The following CYYR1 variants were observed in gnomAD, a reference collection of about 807,000 sequenced individuals.
The protein encoded by CYYR1 is cysteine and tyrosine rich 1.
In CYYR1, 14 loss-of-function variants were observed where a neutral mutation model predicts 15.2. The observed-to-expected ratio is 0.92, with a 90% CI of 0.61 to 1.44. The LOEUF is 1.44. Ranked by LOEUF, CYYR1 falls within the 40% of genes most tolerant of loss-of-function variation. CYYR1 has a pLI of 0.00. For synonymous variants in CYYR1, 80 were observed against 77.4 expected (o/e 1.03, Z -0.18); for missense variants, 228 against 209.5 (o/e 1.09, Z -0.54).
Position 26,488,240 on chromosome 21 carries a change from A to ACTTACTTACTTCCTTC in CYYR1, c.177-7812_177-7811insGAAGGAAGTAAGTAAG, listed in dbSNP as rs1555904365. ...TAAAATAAAGACTACATCTTCCCCTACTTCCTTCCTTCCTTCCTTCCTTCC... is the reference window on the plus strand; with the variant it reads ...TAAAATAAAGACTACATCTTCCCCTACTTACTTACTTCCTTCCTTCCTTCCTTCCTTCCTTCCTTCC... On this transcript the variant is annotated intron_variant, in intron 2 of 3. Transcript: ENST00000652641. 4.6e-4 allele frequency among the ~76,000 whole-genome samples: 64 copies of ACTTACTTACTTCCTTC among 139,420 alleles called. 1 individual carries two copies. Among genetic ancestry groups the ACTTACTTACTTCCTTC allele is most frequent in the Middle Eastern group, 3.6e-3 (1 of 276 alleles). 91.5% of individuals were successfully genotyped at this position (139,420 alleles called of 152,430 possible). A position where few individuals can be genotyped will look rare whatever the true frequency, so the allele number is the denominator to read the frequency against.
chr21:26,561,871 C>T (rs1432426376), intron 2 of CYYR1, among the ~76,000 whole-genome samples: 2 of 152,152 alleles, frequency 1.3e-5, no homozygotes, highest in Admixed American at 6.6e-5. Context: ...ACTTCAGTTC[C>T]ATGTTTAGCT....
At chr21:26,492,778 T>C (rs940065343) in intron 2 of CYYR1, among the ~76,000 whole-genome samples, 2 of 152,066 alleles carry the variant, frequency 1.3e-5, no homozygotes, top group Non-Finnish European at 2.9e-5. Flanking sequence ...CAATTTTAAA[T>C]ATCTCTAGCC....
chr21:26,534,682 C>G (rs2065973970), intron 2 of CYYR1, among the ~76,000 whole-genome samples: 1 of 152,122 alleles, frequency 6.6e-6, no homozygotes, highest in African/African-American at 2.4e-5. Context: ...ATTTTCGTAA[C>G]TGTTCCCTCC....
chr21:26,498,326 G>T (rs908908456), intron 2 of CYYR1, among the ~76,000 whole-genome samples: 1 of 152,088 alleles, frequency 6.6e-6, no homozygotes, highest in Non-Finnish European at 1.5e-5. Context: ...ATAGGATCAC[G>T]TCCAAATTGT....
intron 2 of CYYR1, among the ~76,000 whole-genome samples, chr21:26,565,989 A>G (rs1980586069): frequency 6.6e-6 from 1 of 152,222 alleles, no homozygotes. Context: ...TCTACTTAAA[A>G]CATTATTATA....
At chr21:26,477,211 T>C (rs371931047) in intron 3 of CYYR1, among the ~76,000 whole-genome samples, 1 of 152,148 alleles carries the variant, frequency 6.6e-6, no homozygotes, top group Admixed American at 6.6e-5. Flanking sequence ...AATTAATTAG[T>C]GAGGGTAAAA....
intron 2 of CYYR1, among the ~76,000 whole-genome samples, chr21:26,517,182 C>G (rs1269172344): frequency 7.9e-6 from 1 of 127,234 alleles, no homozygotes; most frequent in Non-Finnish European, 1.6e-5. Flanking sequence ...ATAATTTTGA[C>G]TATAATCAAG....
At chr21:26,570,601 C>T (rs1346858396) in intron 1 of CYYR1, among the ~76,000 whole-genome samples, 1 of 152,204 alleles carries the variant, frequency 6.6e-6, no homozygotes, top group Non-Finnish European at 1.5e-5. Context: ...AGAAACCTTG[C>T]TCTTATTTGT....
At chr21:26,527,516 A>G (rs1353714073) in intron 2 of CYYR1, among the ~76,000 whole-genome samples, 1 of 152,252 alleles carries the variant, frequency 6.6e-6, no homozygotes, top group African/African-American at 2.4e-5. Context: ...TCCTGAATTT[A>G]GAAATTTTTC....
intron 2 of CYYR1, among the ~76,000 whole-genome samples, chr21:26,532,669 A>G (rs1207246460): frequency 1.3e-5 from 2 of 152,198 alleles, no homozygotes; most frequent in African/African-American, 4.8e-5. Context: ...TACTCTGAAC[A>G]TGTTAATTTT....
intron 2 of CYYR1, chr21:26,483,540 A>G (rs985931801): frequency 3.1e-5 from 15 of 479,724 alleles, no homozygotes; most frequent in Non-Finnish European, 4.1e-5. Context: ...GGGGCTATTC[A>G]TTTTTCTCCA....
At chr21:26,531,703 C>A (rs181442029) in intron 2 of CYYR1, among the ~76,000 whole-genome samples, 1 of 152,178 alleles carries the variant, frequency 6.6e-6, no homozygotes, top group Non-Finnish European at 1.5e-5. Flanking sequence ...ATTACCCAGT[C>A]TCAGGTAGTT....
intron 2 of CYYR1, among the ~76,000 whole-genome samples, chr21:26,557,863 T>G (rs186749192): frequency 6.6e-4 from 101 of 152,314 alleles, no homozygotes; most frequent in African/African-American, 2.4e-3. Flanking sequence ...GTAGAATTCA[T>G]TCCCGTTTCT....
intron 1 of CYYR1, 91 bp from the exon 2 acceptor site, chr21:26,566,459 G>T: frequency 2.1e-6 from 2 of 958,108 alleles, no homozygotes; most frequent in South Asian, 2.9e-5. Flanking sequence ...ATCAGCCAAT[G>T]ACCACCCTTT....
intron 2 of CYYR1, among the ~76,000 whole-genome samples, chr21:26,530,046 T>C (rs1420936127): frequency 6.6e-6 from 1 of 152,200 alleles, no homozygotes; most frequent in African/African-American, 2.4e-5. Flanking sequence ...TCTACAACTA[T>C]AGTAAATAAA....
At chr21:26,524,343 T>C (rs558281196) in intron 2 of CYYR1, among the ~76,000 whole-genome samples, 2 of 152,258 alleles carry the variant, frequency 1.3e-5, no homozygotes, top group Non-Finnish European at 2.9e-5. Context: ...TTTGCTACTC[T>C]TGAATTTAAT....
Position 26,505,568 on chromosome 21 carries a change from A to G in CYYR1, c.177-25139T>C, listed in dbSNP as rs73349295. Among the ~76,000 whole-genome samples, 553 of 152,360 alleles carry G rather than the reference A, an allele frequency of 3.6e-3. 4 individuals are homozygous for G. The highest frequency in any genetic ancestry group is 0.013 in the African/African-American group (536 of 41,590). ...AAGAGAATTAAATGAGTGTGTGTAC[A>G]TAACCAGAGTGCCTGGAACATTAAA... is the stretch of plus-strand genomic sequence containing the variant. On this transcript the variant is annotated intron_variant, in intron 2 of 3. Transcript: ENST00000652641.
intron 2 of CYYR1, among the ~76,000 whole-genome samples, chr21:26,515,263 C>T (rs1299073044): frequency 6.6e-6 from 1 of 152,226 alleles, no homozygotes; most frequent in East Asian, 1.9e-4. Flanking sequence ...TCTTAGGCCA[C>T]TTACTGTTTT....
chr21:26,480,417 A>G lies in CYYR1; in HGVS notation c.189T>C (p.Ile63=). The G allele has an allele frequency of 3.7e-6, 6 of 1,611,348 alleles. No individual in the cohort carries two copies. Among genetic ancestry groups the G allele is most frequent in the Non-Finnish European group, 5.1e-6 (6 of 1,178,998 alleles). ...ATACTATTCCAAAAACAATGCCCGC[A>G]ATTGCAGTGCCCCTAAAAGGAAAAA... ...YIGNILSGTA[I]AGIVFGIVFI... Residue 63 remains isoleucine (I), a synonymous_variant, in exon 3 of 4, where the codon ATT becomes ATC. Coordinates refer to ENST00000652641, the MANE Select transcript of CYYR1 (RefSeq NM_001320768.2).
Sources: allele counts gnomAD v4.1 joint callset (sites outside exome capture counted in the v4.1 genomes callset), GRCh38; gene constraint gnomAD v4.1.1; transcripts MANE v1.5; gene names NCBI Gene and HGNC (gene_info 2026-07-23, HGNC 2026-07-21).